Variants in HDAC9 observed in about 807,000 individuals in gnomAD.
HDAC9 encodes MEF-2 interacting transcription repressor (MITR) protein.
A neutral mutation model predicts 139.4 loss-of-function variants in HDAC9; 41 were observed. The observed-to-expected ratio is 0.29, with a 90% CI of 0.23 to 0.38. HDAC9 has a LOEUF of 0.38. Among genes scored for constraint, HDAC9 ranks in the 10% least tolerant of loss-of-function variants. The probability of loss-of-function intolerance (pLI) is 1.00; values close to 1 mark genes in which losing one functional copy is unlikely to be tolerated. For missense variants in HDAC9, 1,147 were observed against 1,297.0 expected (o/e 0.88, Z 1.78); for synonymous variants, 517 against 476.2 (o/e 1.09, Z -1.12).
At chr7:18,156,596 G>A (rs972631995) in intron 1 of HDAC9, among the ~76,000 whole-genome samples, 23 of 152,158 alleles carry the variant, frequency 1.5e-4, no homozygotes, top group Non-Finnish European at 3.2e-4. Flanking sequence ...CCATGTATCA[G>A]GTACTCTACT....
intron 8 of HDAC9, among the ~76,000 whole-genome samples, chr7:18,641,035 T>C (rs1212624754): frequency 6.6e-6 from 1 of 152,110 alleles, no homozygotes. Context: ...ATGAGAGTTT[T>C]TACCTTTCTG....
intron 21 of HDAC9, among the ~76,000 whole-genome samples, chr7:18,855,961 C>T (rs1797644851): frequency 6.6e-6 from 1 of 152,092 alleles, no homozygotes; most frequent in African/African-American, 2.4e-5. Flanking sequence ...ACTCTAATGA[C>T]CTTGACTCTG....
chr7:18,583,116 A>G (rs779481320), intron 2 of HDAC9, among the ~76,000 whole-genome samples: 5 of 151,960 alleles, frequency 3.3e-5, no homozygotes, highest in Non-Finnish European at 5.9e-5. Flanking sequence ...TTTTATTTTT[A>G]TATTTGTTTC....
At chr7:18,451,392 T>TGC (rs1792825943) in intron 1 of HDAC9, among the ~76,000 whole-genome samples, 1 of 135,062 alleles carries the variant, frequency 7.4e-6, no homozygotes, top group Admixed American at 7.4e-5. Context: ...TGTGTGTGTG[T>TGC]GTGTGTGTGT....
chr7:18,393,467 A>G (rs1048029304), intron 1 of HDAC9, among the ~76,000 whole-genome samples: 2 of 152,174 alleles, frequency 1.3e-5, no homozygotes, highest in African/African-American at 4.8e-5. Context: ...TTCTCCTACT[A>G]TTTTTGTTAC....
rs559944003 is a variant in HDAC9 at position 18,280,316 on chromosome 7, G to A, written c.25+117967G>A. ...AAAAGTTAAAAATTAGCAGCTGGGTGCAGTAGCTCATGCCTGTGATCCCAG... is the reference window on the plus strand; with the variant it reads ...AAAAGTTAAAAATTAGCAGCTGGGTACAGTAGCTCATGCCTGTGATCCCAG... On this transcript the variant is annotated intron_variant, in intron 2 of 12. Coordinates refer to the HDAC9 transcript ENST00000417496. 7.2e-5 allele frequency among the ~76,000 whole-genome samples: 11 copies of A among 152,184 alleles called. No individual in the cohort carries two copies. The South Asian group carries it at 2.1e-3, about 29-fold the overall frequency.
intron 11 of HDAC9, among the ~76,000 whole-genome samples, chr7:18,657,875 T>C (rs1791738863): frequency 6.6e-6 from 1 of 152,134 alleles, no homozygotes; most frequent in Non-Finnish European, 1.5e-5. Flanking sequence ...GCTGTCATGA[T>C]CTGATTCTTG....
intron 10 of HDAC9, 37 bp downstream of exon 10, chr7:18,648,035 G>T: frequency 6.8e-7 from 1 of 1,479,068 alleles, no homozygotes; most frequent in Non-Finnish European, 9.3e-7. Context: ...GTCATTTTAG[G>T]GTTTTATTTT....
chr7:18,267,284 C>T (rs985110807), intron 2 of HDAC9, among the ~76,000 whole-genome samples: 2 of 152,032 alleles, frequency 1.3e-5, no homozygotes, highest in Non-Finnish European at 2.9e-5. Context: ...TTTCATACTA[C>T]TTTTTTTGTG....
chr7:18,745,734 G>A (rs1263686290), intron 13 of HDAC9, among the ~76,000 whole-genome samples: 1 of 151,274 alleles, frequency 6.6e-6, no homozygotes, highest in Admixed American at 6.6e-5. Flanking sequence ...TTTTAGTAGA[G>A]ACGGGGTTTC....
intron 2 of HDAC9, among the ~76,000 whole-genome samples, chr7:18,538,473 G>A (rs773436373): frequency 7.9e-5 from 12 of 152,198 alleles, no homozygotes; most frequent in Non-Finnish European, 1.2e-4. Flanking sequence ...AAGAGAGCAC[G>A]TGTTTGGGAA....
chr7:18,510,740 G>T (rs1343407235), intron 2 of HDAC9, among the ~76,000 whole-genome samples: 1 of 152,078 alleles, frequency 6.6e-6, no homozygotes, highest in African/African-American at 2.4e-5. Context: ...TCAGAATAAG[G>T]AGTTAACATA....
chr7:18,793,664 T>C (rs779852137), intron 17 of HDAC9, among the ~76,000 whole-genome samples: 4 of 152,104 alleles, frequency 2.6e-5, no homozygotes, highest in Non-Finnish European at 4.4e-5. Context: ...CTGAGAACAC[T>C]CTGCAGTCAG....
chr7:18,641,125 T>C (rs1241208336), intron 8 of HDAC9, among the ~76,000 whole-genome samples: 13 of 152,104 alleles, frequency 8.5e-5, no homozygotes, highest in Non-Finnish European at 1.8e-4. Flanking sequence ...ACTCTTTTAA[T>C]TGAAATCAGT....
intron 2 of HDAC9, among the ~76,000 whole-genome samples, chr7:18,266,795 A>G (rs1796032885): frequency 6.6e-6 from 1 of 152,176 alleles, no homozygotes; most frequent in Non-Finnish European, 1.5e-5. Context: ...CAACACAGTG[A>G]GAAAACATAT....
At chr7:18,544,239 T>C (rs1813989433) in intron 2 of HDAC9, among the ~76,000 whole-genome samples, 1 of 152,128 alleles carries the variant, frequency 6.6e-6, no homozygotes, top group Admixed American at 6.5e-5. Flanking sequence ...ATTTTGAAGG[T>C]AGAGTTGATA....
chr7:18,804,888 A>G lies in HDAC9; in HGVS notation c.2322+11436A>G, dbSNP rs115020316. ...CTGCTCACTGCAACCTCTGCTTCCC[A>G]GGCTTAAGTGATTCTCCAGCCTCAG... On this transcript the variant is annotated intron_variant, in intron 17 of 25. Coordinates refer to ENST00000686413, the MANE Select transcript of HDAC9 (RefSeq NM_178425.4). Among the ~76,000 whole-genome samples, 1,484 of 152,206 alleles carry G rather than the reference A, an allele frequency of 9.7e-3. 17 individuals are homozygous for G. The highest frequency in any genetic ancestry group is 0.026 in the African/African-American group (1,096 of 41,524).
Position 18,108,561 on chromosome 7 carries a change from C to G in HDAC9, c.-97+21348C>G, listed in dbSNP as rs57871121. Among the ~76,000 whole-genome samples the G allele has an allele frequency of 4.6e-3, 689 of 149,488 alleles. 4 individuals carry two copies. The highest frequency in any genetic ancestry group is 0.016 in the African/African-American group (654 of 40,714). On this transcript the variant is annotated intron_variant, in intron 1 of 12. Coordinates refer to the HDAC9 transcript ENST00000417496. ...TTCAAAATGGAGAATCAAATGAGATCGTATTCCTGAACATACTTTAAAATG... is the reference window on the plus strand; with the variant it reads ...TTCAAAATGGAGAATCAAATGAGATGGTATTCCTGAACATACTTTAAAATG...
intron 1 of HDAC9, among the ~76,000 whole-genome samples, chr7:18,408,708 G>A (rs1788248530): frequency 6.6e-6 from 1 of 152,154 alleles, no homozygotes; most frequent in Non-Finnish European, 1.5e-5. Flanking sequence ...AAAGAATTGG[G>A]AGGCTTTTTC....
Sources: gnomAD v4.1 joint callset for allele counts (sites outside exome capture counted in the v4.1 genomes callset) on GRCh38, gnomAD v4.1.1 for gene constraint, MANE v1.5 for transcripts, NCBI Gene and HGNC (gene_info 2026-07-23, HGNC 2026-07-21) for gene names.